Variants in AK7 observed in about 807,000 individuals in gnomAD.
AK7 encodes adenylate kinase 7, also known as ATP-AMP transphosphorylase 7.
Under a neutral mutation model 96.6 loss-of-function variants are expected in AK7, and 78 were observed. The ratio of observed to expected loss-of-function variants is 0.81; its 90% CI spans 0.67 to 0.97. AK7 has a LOEUF of 0.97. AK7 is among the 50% of genes least tolerant of loss of function. The probability of loss-of-function intolerance (pLI) is 0.00; values close to 1 mark genes in which losing one functional copy is unlikely to be tolerated. For synonymous variants in AK7, 302 were observed against 317.2 expected, an observed-to-expected ratio of 0.95 and a Z score of 0.51; for missense variants, 855 against 887.9, an observed-to-expected ratio of 0.96 and a Z score of 0.47.
rs12323526 is a variant in AK7, at chr14:96,449,668, G to A, written c.871-134G>A. The A allele has an allele frequency of 0.026, 15,886 of 601,768 alleles. 1,982 individuals are homozygous for A. The African/African-American group carries it at 0.27, about 10-fold the overall frequency. The allele number at this position is 601,768 out of a possible 1,614,324, so 37.3% of individuals were successfully genotyped here. A position where few individuals can be genotyped will look rare whatever the true frequency, so the allele number is the denominator to read the frequency against. On this transcript the variant is annotated intron_variant, in intron 8 of 17. Coordinates refer to ENST00000267584, the MANE Select transcript of AK7 (RefSeq NM_152327.5). ...AGGTTGGTCTCAAACTCCTGATTACGGGTGATCCGCCCACCTTGGCCTCCC... is the reference window on the plus strand; with the variant it reads ...AGGTTGGTCTCAAACTCCTGATTACAGGTGATCCGCCCACCTTGGCCTCCC...
intron 14 of AK7, among the ~76,000 whole-genome samples, chr14:96,476,130 T>G (rs1895164658): frequency 1.3e-5 from 2 of 152,250 alleles, no homozygotes; most frequent in South Asian, 4.1e-4. Flanking sequence ...TATGTCCAGT[T>G]TGATTCTTTG....
intron 12 of AK7, among the ~76,000 whole-genome samples, chr14:96,468,563 C>T (rs373720153): frequency 1.3e-3 from 195 of 152,144 alleles, no homozygotes; most frequent in African/African-American, 4.6e-3. Flanking sequence ...TCCCAAAGTG[C>T]TGGGATTACA....
intron 12 of AK7, among the ~76,000 whole-genome samples, chr14:96,460,752 G>A (rs569790259): frequency 1.3e-5 from 2 of 152,216 alleles, no homozygotes; most frequent in South Asian, 2.1e-4. Flanking sequence ...GGGAGCACGC[G>A]ACTGACCGGG....
chr14:96,407,257 G>A (rs538866682), intron 3 of AK7, among the ~76,000 whole-genome samples: 2 of 152,222 alleles, frequency 1.3e-5, no homozygotes, highest in South Asian at 2.1e-4. Flanking sequence ...ACTAAAGCTC[G>A]GCAGGGCAGA....
rs79124399 is a variant in AK7 at position 96,399,815 on chromosome 14, G to T, written c.294+1552G>T. On this transcript the variant is annotated intron_variant, in intron 2 of 17. Coordinates refer to ENST00000267584, the MANE Select transcript of AK7 (RefSeq NM_152327.5). This position sits in a 1 kb window ranked among gnomAD's most constrained non-coding sequence, Gnocchi z 4.1. ...TTTCCTCTTTTACCCTTTAAATGCG[G>T]TTTTCCCCAGAGCTCACTCCCTTCC... 7.0e-3 allele frequency among the ~76,000 whole-genome samples: 1,062 copies of T among 151,996 alleles called. 10 individuals are homozygous for T. Among genetic ancestry groups the T allele is most frequent in the African/African-American group, 0.024 (1,005 of 41,458 alleles).
rs1890307254 is a variant in AK7 at position 96,399,917 on chromosome 14, G to A, written c.294+1654G>A. Among the ~76,000 whole-genome samples, 1 of 151,552 alleles carries A rather than the reference G, an allele frequency of 6.6e-6. No homozygotes were observed. Among genetic ancestry groups the A allele is most frequent in the Admixed American group, 6.6e-5 (1 of 15,190 alleles). On this transcript the variant is annotated intron_variant, in intron 2 of 17. Coordinates refer to ENST00000267584, the MANE Select transcript of AK7 (RefSeq NM_152327.5). The surrounding 1 kb of genome is among the most constrained non-coding windows in gnomAD (Gnocchi z 4.1). ...CATATAGCCAGTGCTTTTTTTGCCT[G>A]TCTGCAGCCTCCAAATCCGACTGCC... is the stretch of plus-strand genomic sequence containing the variant.
At chr14:96,467,404 CG>C (rs1464238839) in intron 12 of AK7, among the ~76,000 whole-genome samples, 2 of 151,408 alleles carry the variant, frequency 1.3e-5, no homozygotes, top group African/African-American at 4.9e-5. Context: ...GGTGCAATCT[CG>C]GCTCACTGCA....
chr14:96,414,013 C>G (rs1891186824), intron 4 of AK7, among the ~76,000 whole-genome samples: 1 of 152,190 alleles, frequency 6.6e-6, no homozygotes, highest in South Asian at 2.1e-4. Flanking sequence ...GGTGGGCATG[C>G]AATCCAATTT....
At chr14:96,462,423 T>C (rs976974364) in intron 12 of AK7, among the ~76,000 whole-genome samples, 1 of 152,226 alleles carries the variant, frequency 6.6e-6, no homozygotes, top group Non-Finnish European at 1.5e-5. Context: ...TACCTCACCT[T>C]TCCCTCACAT....
Position 96,417,848 on chromosome 14 carries a change from G to T in AK7, c.499-2974G>T, listed in dbSNP as rs571172091. Among the ~76,000 whole-genome samples, 5 of 152,200 alleles carry T rather than the reference G, an allele frequency of 3.3e-5. No individual in the cohort carries two copies. In the South Asian group the frequency reaches 1.0e-3, roughly 32 times the overall value. ...AGGTACCTCCAGAATCTGTACAAGGGTGATATATCGAGTTAAAAATACACG... is the reference window on the plus strand; with the variant it reads ...AGGTACCTCCAGAATCTGTACAAGGTTGATATATCGAGTTAAAAATACACG... On this transcript the variant is annotated intron_variant, in intron 4 of 17. Transcript: ENST00000267584.
chr14:96,469,593 G>A (rs572671162), intron 12 of AK7, among the ~76,000 whole-genome samples: 9 of 152,086 alleles, frequency 5.9e-5, no homozygotes, highest in Admixed American at 2.0e-4. Flanking sequence ...CCCTTGACAC[G>A]TTTTTATTTG....
At position 96,449,725 on chromosome 14, in the gene AK7, C is replaced by T. The variant is rs567319027; in HGVS notation, c.871-77C>T. 199 of 1,102,552 alleles carry T rather than the reference C, an allele frequency of 1.8e-4. 2 individuals carry two copies. In the South Asian group the frequency reaches 2.2e-3, roughly 12 times the overall value. 68.3% of individuals were successfully genotyped at this position (1,102,552 alleles called of 1,614,324 possible). ...CTGGGATTACAGGCGTGAGCCACTG[C>T]GCCTGGCCCATTTGAGTTTTATATA... On this transcript the variant is annotated intron_variant, in intron 8 of 17. Transcript: ENST00000267584.
intron 15 of AK7, among the ~76,000 whole-genome samples, chr14:96,479,319 T>C (rs1473253645): frequency 1.3e-5 from 2 of 151,872 alleles, no homozygotes; most frequent in African/African-American, 4.8e-5. Flanking sequence ...CCTCGTGATC[T>C]GCCCGCCTCG....
intron 5 of AK7, among the ~76,000 whole-genome samples, chr14:96,434,884 G>A (rs1892557503): frequency 6.6e-6 from 1 of 152,278 alleles, no homozygotes; most frequent in South Asian, 2.1e-4. Flanking sequence ...AGGCCACAAG[G>A]AGTACTGACA....
chr14:96,447,755 G>A (rs1893326606), intron 8 of AK7, among the ~76,000 whole-genome samples: 1 of 152,140 alleles, frequency 6.6e-6, no homozygotes, highest in Non-Finnish European at 1.5e-5. Context: ...CTCTGAAAGT[G>A]CTAGGATTAG....
At chr14:96,465,335 T>C (rs1016268889) in intron 12 of AK7, among the ~76,000 whole-genome samples, 2 of 151,936 alleles carry the variant, frequency 1.3e-5, no homozygotes, top group African/African-American at 4.8e-5. Flanking sequence ...TGGTGGCGGG[T>C]GCCTGTAGTC....
intron 2 of AK7, chr14:96,398,521 C>G: frequency 2.0e-6 from 1 of 495,310 alleles, no homozygotes; most frequent in East Asian, 3.7e-5. Context: ...TCATACAGTT[C>G]TCCTCTTCAG....
intron 12 of AK7, among the ~76,000 whole-genome samples, chr14:96,459,067 G>C (rs1039205283): frequency 3.3e-5 from 5 of 152,100 alleles, no homozygotes; most frequent in Non-Finnish European, 7.4e-5. Context: ...GCTGTGCCCG[G>C]TGGCTCACAC....
chr14:96,401,343 C>G (rs1332548667), intron 2 of AK7, among the ~76,000 whole-genome samples: 1 of 152,116 alleles, frequency 6.6e-6, no homozygotes, highest in Admixed American at 6.5e-5. Flanking sequence ...CCAAACAGAT[C>G]GGGGCCTCCT....
Sources: gnomAD v4.1 joint callset for allele counts (sites outside exome capture counted in the v4.1 genomes callset) on GRCh38, gnomAD v4.1.1 for gene constraint, Gnocchi (gnomAD v3.1) non-coding constraint, MANE v1.5 for transcripts, NCBI Gene and HGNC (gene_info 2026-07-23, HGNC 2026-07-21) for gene names.